The following ARHGAP26 variants were observed in gnomAD, a reference collection of about 807,000 sequenced individuals.
ARHGAP26 encodes the protein rho GTPase-activating protein 26.
ARHGAP26 carries 38 observed loss-of-function variants against 104.8 expected under a neutral mutation model. The ratio of observed to expected loss-of-function variants is 0.36; its 90% CI spans 0.28 to 0.48. The LOEUF (loss-of-function observed/expected upper bound fraction) is 0.48, where lower values mean the gene tolerates loss of function less well. Ranked by LOEUF, ARHGAP26 falls within the 20% of genes least tolerant of loss-of-function variation. The pLI is 0.99. For synonymous variants in ARHGAP26, 341 were observed against 340.0 expected, an observed-to-expected ratio of 1.00 and a Z score of -0.03; for missense variants, 704 against 947.9, an observed-to-expected ratio of 0.74 and a Z score of 3.38.
At chr5:142,780,974 C>T (rs1183049269) in intron 1 of ARHGAP26, among the ~76,000 whole-genome samples, 1 of 152,248 alleles carries the variant, frequency 6.6e-6, no homozygotes, top group Non-Finnish European at 1.5e-5. Context: ...CCTCTGCCAT[C>T]TCTGTTCCAG....
At chr5:143,181,983 G>A (rs1354927265) in intron 20 of ARHGAP26, among the ~76,000 whole-genome samples, 3 of 152,022 alleles carry the variant, frequency 2.0e-5, no homozygotes, top group African/African-American at 7.2e-5. Flanking sequence ...TGGCTTGTAC[G>A]CTCCTGTGCT....
rs537727219 is a variant in ARHGAP26, at chr5:142,812,158, G to A, written c.154+41243G>A. Among the ~76,000 whole-genome samples the A allele has an allele frequency of 7.9e-5, 12 of 152,052 alleles. 2 individuals carry two copies. The highest frequency in any genetic ancestry group is 7.7e-4 in the East Asian group (4 of 5,168). ...GCTTCCTGTAGTATGAGGGTTGTTC[G>A]GGCAGACATCCTGACCTTGCAGTTG... is the stretch of plus-strand genomic sequence containing the variant. On this transcript the variant is annotated intron_variant, in intron 1 of 22. Coordinates refer to ENST00000645722, the MANE Select transcript of ARHGAP26 (RefSeq NM_001135608.3).
At chr5:142,915,155 C>G (rs868816808) in intron 10 of ARHGAP26, among the ~76,000 whole-genome samples, 1 of 152,138 alleles carries the variant, frequency 6.6e-6, no homozygotes, top group African/African-American at 2.4e-5. Context: ...CCCTTGCCAG[C>G]ACTTCCTAGC....
intron 1 of ARHGAP26, among the ~76,000 whole-genome samples, chr5:142,789,644 G>T (rs1214227982): frequency 2.6e-5 from 4 of 152,148 alleles, no homozygotes; most frequent in African/African-American, 9.7e-5. Context: ...TTGTGTTAAG[G>T]ACTGATCTCC....
chr5:143,130,719 G>A (rs868755069), intron 18 of ARHGAP26, among the ~76,000 whole-genome samples: 1 of 152,170 alleles, frequency 6.6e-6, no homozygotes, highest in Non-Finnish European at 1.5e-5. Flanking sequence ...AGGCAAACCC[G>A]TGGCCAGACA....
At chr5:143,029,102 G>A (rs1781480606) in intron 12 of ARHGAP26, among the ~76,000 whole-genome samples, 1 of 152,272 alleles carries the variant, frequency 6.6e-6, no homozygotes, top group East Asian at 1.9e-4. Context: ...GGGGAAAACA[G>A]GCAAGCCCTT....
At position 143,193,288 on chromosome 5, in the gene ARHGAP26, C is replaced by A. The variant is rs565142964; in HGVS notation, c.1989-13910C>A. On this transcript the variant is annotated intron_variant, in intron 20 of 22. Coordinates refer to ENST00000645722, the MANE Select transcript of ARHGAP26 (RefSeq NM_001135608.3). Reference sequence around the variant, plus strand: ...TTTGAGGCAGAGTCTCGCTCTGTCACCCAGGCTGGAGTGCAGTGGCACGAT... The same window carrying A: ...TTTGAGGCAGAGTCTCGCTCTGTCAACCAGGCTGGAGTGCAGTGGCACGAT... 1.2e-4 allele frequency among the ~76,000 whole-genome samples: 16 copies of A among 138,614 alleles called. No homozygotes were observed. In the Admixed American group the frequency reaches 1.2e-3, roughly 10 times the overall value. The allele number at this position is 138,614 out of a possible 152,430, so 90.9% of individuals were successfully genotyped here.
rs896013096 is a variant in ARHGAP26 at position 143,098,570 on chromosome 5, A to G, written c.1539-22418A>G. ...TTTTATCTAGAAAAGAGAAAGACCA[A>G]TTCTTTATAATATTATCAACAGTGG... On this transcript the variant is annotated intron_variant, in intron 17 of 22. Transcript: ENST00000645722. 1.8e-4 allele frequency among the ~76,000 whole-genome samples: 27 copies of G among 152,164 alleles called. 1 individual carries two copies. Among genetic ancestry groups the G allele is most frequent in the Non-Finnish European group, 2.9e-4 (20 of 68,016 alleles).
At chr5:143,040,086 A>T (rs970908798) in intron 13 of ARHGAP26, among the ~76,000 whole-genome samples, 10 of 152,130 alleles carry the variant, frequency 6.6e-5, no homozygotes, top group African/African-American at 2.4e-4. Flanking sequence ...GGGAGGTGGG[A>T]TTGTGTAAAG....
At chr5:143,021,183 TTGTA>T (rs1206561735) in intron 12 of ARHGAP26, among the ~76,000 whole-genome samples, 12 of 152,232 alleles carry the variant, frequency 7.9e-5, no homozygotes, top group African/African-American at 2.9e-4. Context: ...AAATGATGTC[TTGTA>T]TGTATTTTGT....
chr5:142,936,318 CTAAT>C (rs915470857), intron 11 of ARHGAP26, among the ~76,000 whole-genome samples: 4 of 152,086 alleles, frequency 2.6e-5, no homozygotes, highest in Admixed American at 6.5e-5. Context: ...AGGTATAAAT[CTAAT>C]TAAGCATGTA....
At chr5:143,069,414 G>A (rs17541386) in intron 17 of ARHGAP26, among the ~76,000 whole-genome samples, 3,142 of 152,154 alleles carry the variant, frequency 0.021, 43 homozygotes, top group Admixed American at 0.028. Flanking sequence ...CCCTTTTCAA[G>A]CACTACCTTT....
intron 20 of ARHGAP26, among the ~76,000 whole-genome samples, chr5:143,180,375 C>G (rs1403721833): frequency 1.3e-5 from 2 of 152,172 alleles, no homozygotes; most frequent in African/African-American, 4.8e-5. Flanking sequence ...CTGCCCACCT[C>G]AGCCTCCCAA....
chr5:142,837,755 G>C (rs751222980), intron 1 of ARHGAP26, among the ~76,000 whole-genome samples: 2 of 152,242 alleles, frequency 1.3e-5, no homozygotes, highest in South Asian at 4.1e-4. Flanking sequence ...GTCAGCCTTG[G>C]TAGAATAGTT....
At chr5:142,986,150 A>G (rs1774693380) in intron 11 of ARHGAP26, among the ~76,000 whole-genome samples, 1 of 152,270 alleles carries the variant, frequency 6.6e-6, no homozygotes, top group East Asian at 1.9e-4. Context: ...CTATTTCTCC[A>G]CATCCTCTGC....
intron 10 of ARHGAP26, among the ~76,000 whole-genome samples, chr5:142,928,836 C>T (rs1764296038): frequency 6.6e-6 from 1 of 152,314 alleles, no homozygotes; most frequent in Non-Finnish European, 1.5e-5. Flanking sequence ...TGTAGAGGGT[C>T]TAATAGGCTC....
chr5:143,061,564 A>G (rs958373947), intron 17 of ARHGAP26, among the ~76,000 whole-genome samples: 3 of 152,094 alleles, frequency 2.0e-5, no homozygotes, highest in Non-Finnish European at 2.9e-5. Flanking sequence ...TTGCAGGGGC[A>G]TTGGAGAGGC....
intron 20 of ARHGAP26, among the ~76,000 whole-genome samples, chr5:143,190,020 C>T (rs1275166542): frequency 7.6e-6 from 1 of 130,888 alleles, no homozygotes; most frequent in East Asian, 2.1e-4. Context: ...CTTTGGAGGA[C>T]AGAAGGAGGG....
intron 18 of ARHGAP26, 138 bp downstream of exon 18, chr5:143,121,285 A>G: frequency 1.1e-6 from 1 of 910,322 alleles, no homozygotes; most frequent in South Asian, 2.0e-5. Context: ...TGGTGGTGGT[A>G]GTGATGGTGG....
Sources: allele counts gnomAD v4.1 joint callset (sites outside exome capture counted in the v4.1 genomes callset), GRCh38; gene constraint gnomAD v4.1.1; transcripts MANE v1.5; gene names NCBI Gene and HGNC (gene_info 2026-07-23, HGNC 2026-07-21).